Variants in IQSEC1 observed in about 807,000 individuals in gnomAD.
IQSEC1 encodes IQ motif and SEC7 domain-containing protein 1.
Under a neutral mutation model 91.0 loss-of-function variants are expected in IQSEC1, and 31 were observed. The observed-to-expected ratio is 0.34, with a 90% CI of 0.26 to 0.46. IQSEC1 has a LOEUF of 0.46. IQSEC1 is among the 20% of genes least tolerant of loss of function. IQSEC1 has a pLI of 1.00. For missense variants in IQSEC1, 1,388 were observed against 1,575.6 expected, an observed-to-expected ratio of 0.88 and a Z score of 2.02; for synonymous variants, 699 against 662.6, an observed-to-expected ratio of 1.05 and a Z score of -0.84.
At chr3:12,984,601 C>G (rs1701632169) in intron 1 of IQSEC1, among the ~76,000 whole-genome samples, 1 of 152,128 alleles carries the variant, frequency 6.6e-6, no homozygotes, top group Non-Finnish European at 1.5e-5. Flanking sequence ...GCCTAAGGGC[C>G]ATGCATGCAC....
chr3:13,147,265 C>A (rs1298704758), intron 2 of IQSEC1, among the ~76,000 whole-genome samples: 4 of 152,140 alleles, frequency 2.6e-5, no homozygotes, highest in African/African-American at 9.7e-5. Context: ...GCAGGGGTCA[C>A]CAGGGTAGTG....
chr3:13,233,900 AC>A (rs1694876293), intron 1 of IQSEC1, among the ~76,000 whole-genome samples: 1 of 152,076 alleles, frequency 6.6e-6, no homozygotes, highest in Non-Finnish European at 1.5e-5. Context: ...AGTACCCAGA[AC>A]CCCCAAAAAG....
At chr3:12,942,640 C>T (rs1002490513) in intron 1 of IQSEC1, among the ~76,000 whole-genome samples, 7 of 152,134 alleles carry the variant, frequency 4.6e-5, no homozygotes, top group Non-Finnish European at 1.5e-5. Context: ...TTAACAAAAG[C>T]GATTCTGTAC....
intron 1 of IQSEC1, among the ~76,000 whole-genome samples, chr3:13,191,477 ATTTTTTTTTTTTTTTTTTT>A (rs57912681): frequency 6.5e-5 from 6 of 92,102 alleles, no homozygotes; most frequent in African/African-American, 1.7e-4. Context: ...CACCCAGCTA[ATTTTTTTTTTTTTTTTTTT>A]TTTTTTTTTT....
chr3:12,987,075 TC>T, intron 1 of IQSEC1: 1 of 384,300 alleles, frequency 2.6e-6, no homozygotes, highest in South Asian at 1.8e-5. Context: ...CCCTCAGCCG[TC>T]CCCCATCTGG....
intron 1 of IQSEC1, among the ~76,000 whole-genome samples, chr3:12,959,078 A>G (rs1476474545): frequency 6.6e-6 from 1 of 152,164 alleles, no homozygotes; most frequent in Non-Finnish European, 1.5e-5. Flanking sequence ...TGAGACCCCT[A>G]GAGAGGGTTG....
chr3:13,208,857 C>T (rs561539198), intron 1 of IQSEC1, among the ~76,000 whole-genome samples: 6 of 152,322 alleles, frequency 3.9e-5, no homozygotes, highest in East Asian at 3.9e-4. Flanking sequence ...ACTGCCCTGC[C>T]GTGGAGTGCC....
intron 2 of IQSEC1, among the ~76,000 whole-genome samples, chr3:13,099,697 G>A (rs1706024861): frequency 6.6e-6 from 1 of 152,180 alleles, no homozygotes; most frequent in Non-Finnish European, 1.5e-5. Context: ...CCTAAAAGGT[G>A]CCCCCTACTC....
rs1370591509 is a variant in IQSEC1 at position 12,901,184 on chromosome 3, T to C, written c.3144A>G (p.Pro1048=). The change falls in exon 14 of 14, where the codon CCA becomes CCG. Residue 1048 remains proline, a synonymous_variant. Transcript: ENST00000613206. ...PPYHHHHHHH[P]PQHIQHAHQY... is the part of the protein sequence containing the mutation. ...GGTGTGCGTGCTGGATGTGCTGGGGTGGGTGGTGGTGGTGGTGATGGTGGT... is the reference window on the plus strand; with the variant it reads ...GGTGTGCGTGCTGGATGTGCTGGGGCGGGTGGTGGTGGTGGTGATGGTGGT... The C allele has an allele frequency of 2.6e-6, 4 of 1,535,518 alleles. No individual in the cohort carries two copies. The highest frequency in any genetic ancestry group is 3.5e-6 in the Non-Finnish European group (4 of 1,138,598).
chr3:13,060,453 A>T (rs924904709), intron 1 of IQSEC1, among the ~76,000 whole-genome samples: 2 of 152,086 alleles, frequency 1.3e-5, no homozygotes, highest in African/African-American at 4.8e-5. Flanking sequence ...CAGTTGTAGG[A>T]AGAGGGGTGA....
chr3:12,922,005 C>A lies in IQSEC1; in HGVS notation c.1853+115G>T. 2.3e-6 allele frequency: 3 copies of A among 1,294,030 alleles called. No homozygotes were observed. The East Asian group carries it at 8.0e-5, about 34-fold the overall frequency. The allele number at this position is 1,294,030 out of a possible 1,614,324, so 80.2% of individuals were successfully genotyped here. On this transcript the variant is annotated intron_variant, in intron 5 of 13. Transcript: ENST00000613206. The surrounding 1 kb of genome is among the most constrained non-coding windows in gnomAD (Gnocchi z 5.1). ...TCACCCCCAAAGCAACATTCAGGGA[C>A]ACCTGGCCCTGTCTAGGGATGGTGG...
intron 2 of IQSEC1, among the ~76,000 whole-genome samples, chr3:13,081,422 C>A (rs1337071474): frequency 6.6e-6 from 1 of 152,162 alleles, no homozygotes; most frequent in Non-Finnish European, 1.5e-5. Context: ...GAACATGCCA[C>A]TACATCTGGC....
chr3:12,978,559 AGCCGG>A (rs1314185472), intron 1 of IQSEC1, among the ~76,000 whole-genome samples: 1 of 151,942 alleles, frequency 6.6e-6, no homozygotes, highest in Non-Finnish European at 1.5e-5. Context: ...TACAAAAATT[AGCCGG>A]GCGTGGGGCG....
chr3:12,976,312 C>G (rs961131314), intron 1 of IQSEC1, among the ~76,000 whole-genome samples: 18 of 152,268 alleles, frequency 1.2e-4, no homozygotes, highest in Admixed American at 4.6e-4. Flanking sequence ...GAGCACACCC[C>G]ACAAGCCCAG....
chr3:13,152,541 T>A (rs981617644), intron 2 of IQSEC1, among the ~76,000 whole-genome samples: 1 of 152,224 alleles, frequency 6.6e-6, no homozygotes, highest in Non-Finnish European at 1.5e-5. Context: ...AAAGCACTGC[T>A]GTCCTCCCAG....
At chr3:13,101,415 T>C (rs1479641586) in intron 2 of IQSEC1, among the ~76,000 whole-genome samples, 4 of 108,714 alleles carry the variant, frequency 3.7e-5, no homozygotes, top group Non-Finnish European at 5.7e-5. Context: ...TGAGATTCCA[T>C]CTCCAAAAAA....
chr3:13,035,219 C>T lies in IQSEC1; in HGVS notation c.23+37773G>A, dbSNP rs183383974. 2.5e-4 allele frequency among the ~76,000 whole-genome samples: 38 copies of T among 152,368 alleles called. 1 individual carries two copies. The highest frequency in any genetic ancestry group is 7.5e-4 in the African/African-American group (31 of 41,582). ...CTCCTAATCCACATCCAGCTTCCTG[C>T]TGGTCCCCTGACCTCCTAAGAGTGG... On this transcript the variant is annotated intron_variant, in intron 1 of 13. Transcript: ENST00000613206.
At chr3:13,081,998 CG>C (rs1559251267) in intron 2 of IQSEC1, among the ~76,000 whole-genome samples, 1 of 152,208 alleles carries the variant, frequency 6.6e-6, no homozygotes, top group African/African-American at 2.4e-5. Context: ...GCAGGGCCAC[CG>C]GGCAGCACGA....
chr3:13,217,444 GC>G lies in IQSEC1; in HGVS notation c.273-53312del, dbSNP rs560868152. ...CACCAGCAGATCGTTCCTTTTCAGG[GC>G]TGAGTAGTAGTCCACTGTGTGGAAG... On this transcript the variant is annotated intron_variant, in intron 1 of 15. Coordinates refer to the IQSEC1 transcript ENST00000648114. Among the ~76,000 whole-genome samples the G allele has an allele frequency of 3.8e-3, 580 of 152,284 alleles. 4 individuals carry two copies. The highest frequency in any genetic ancestry group is 0.013 in the African/African-American group (553 of 41,556).
Sources: gnomAD v4.1 joint callset for allele counts (sites outside exome capture counted in the v4.1 genomes callset) on GRCh38, gnomAD v4.1.1 for gene constraint, Gnocchi (gnomAD v3.1) non-coding constraint, MANE v1.5 for transcripts, NCBI Gene and HGNC (gene_info 2026-07-23, HGNC 2026-07-21) for gene names.